FHOD3: variants seen among roughly 807,000 people sequenced by gnomAD.
FHOD3 encodes formin homology 2 domain containing 3.
Under a neutral mutation model 173.0 loss-of-function variants are expected in FHOD3, and 90 were observed. The ratio of observed to expected loss-of-function variants is 0.52; its 90% confidence interval spans 0.44 to 0.62. FHOD3 has a LOEUF of 0.62. Ranked by LOEUF, FHOD3 falls within the 20% of genes least tolerant of loss-of-function variation. The probability of loss-of-function intolerance (pLI) is 0.00; values close to 1 mark genes in which losing one functional copy is unlikely to be tolerated. For missense variants in FHOD3, 1,945 were observed against 2,034.7 expected (o/e 0.96, Z 0.85); for synonymous variants, 828 against 823.0 (o/e 1.01, Z -0.10).
At chr18:36,595,442 G>A (rs1290269486) in intron 7 of FHOD3, among the ~76,000 whole-genome samples, 1 of 152,068 alleles carries the variant, frequency 6.6e-6, no homozygotes, top group African/African-American at 2.4e-5. Context: ...CCTGGCTAAG[G>A]GGACCCTTCA....
At chr18:36,669,023 C>G (rs2037364863) in intron 14 of FHOD3, among the ~76,000 whole-genome samples, 1 of 151,894 alleles carries the variant, frequency 6.6e-6, no homozygotes, top group African/African-American at 2.4e-5. Flanking sequence ...ATTCCGTATC[C>G]TTAGTGCTTG....
At chr18:36,632,193 G>A (rs1028538294) in intron 10 of FHOD3, among the ~76,000 whole-genome samples, 1 of 152,200 alleles carries the variant, frequency 6.6e-6, no homozygotes, top group Non-Finnish European at 1.5e-5. Flanking sequence ...GTCAGCATAT[G>A]ACTCACCATT....
At chr18:36,730,133 G>A (rs1296636630) in intron 19 of FHOD3, among the ~76,000 whole-genome samples, 1 of 152,202 alleles carries the variant, frequency 6.6e-6, no homozygotes, top group Non-Finnish European at 1.5e-5. Flanking sequence ...ATGTTTGAAT[G>A]GCAAGGTGAG....
chr18:36,500,784 T>C (rs1298942598), intron 3 of FHOD3, among the ~76,000 whole-genome samples: 1 of 152,218 alleles, frequency 6.6e-6, no homozygotes, highest in Non-Finnish European at 1.5e-5. Context: ...GGTATCCTAG[T>C]GCCTCGAACT....
chr18:36,770,825 G>A (rs1005440561), intron 28 of FHOD3, among the ~76,000 whole-genome samples: 1 of 152,166 alleles, frequency 6.6e-6, no homozygotes, highest in East Asian at 1.9e-4. Context: ...CCTCAGGGGT[G>A]AGGCCTTGAG....
At position 36,452,131 on chromosome 18, in the gene FHOD3, G is replaced by A. The variant is rs552003316; in HGVS notation, c.338-49801G>A. On this transcript the variant is annotated intron_variant, in intron 3 of 28. Transcript: ENST00000590592. ...GCAGCTCATTGTCATCACGAGTTAC[G>A]AGAATTATGAGGGTGCGTCTTGGCA... 2.0e-3 allele frequency among the ~76,000 whole-genome samples: 309 copies of A among 152,268 alleles called. 3 individuals carry two copies. Among genetic ancestry groups the A allele is most frequent in the African/African-American group, 6.7e-3 (280 of 41,544 alleles).
At chr18:36,721,429 T>C (rs2040783244) in intron 19 of FHOD3, among the ~76,000 whole-genome samples, 1 of 152,154 alleles carries the variant, frequency 6.6e-6, no homozygotes, top group Non-Finnish European at 1.5e-5. Flanking sequence ...TGGCTTGAGC[T>C]CAGGAGTTTG....
At chr18:36,765,984 A>C (rs567531102) in intron 27 of FHOD3, among the ~76,000 whole-genome samples, 326 of 152,246 alleles carry the variant, frequency 2.1e-3, no homozygotes, top group Non-Finnish European at 4.1e-3. Context: ...GAAACTTAGG[A>C]AATCCAAGAA....
chr18:36,599,960 T>TGGGGTG (rs1232455669), intron 7 of FHOD3, among the ~76,000 whole-genome samples: 10 of 45,714 alleles, frequency 2.2e-4, no homozygotes, highest in Middle Eastern at 0.015. Flanking sequence ...CTCCAGTGTT[T>TGGGGTG]GGGGTGGGGG....
At position 36,325,207 on chromosome 18, in the gene FHOD3, G is replaced by T. The variant is rs1383147059; in HGVS notation, c.165+27207G>T. Among the ~76,000 whole-genome samples, 4 of 152,166 alleles carry T rather than the reference G, an allele frequency of 2.6e-5. No individual in the cohort carries two copies. In the East Asian group the frequency reaches 7.7e-4, roughly 29 times the overall value. The stretch of plus-strand genomic sequence containing the variant: ...CTGGCAGGGAGTGGTGGGGGTCTCT[G>T]GGTGCTAGTAGTGCAAGCAGAATAT... On this transcript the variant is annotated intron_variant, in intron 1 of 28. Coordinates refer to ENST00000590592, the MANE Select transcript of FHOD3 (RefSeq NM_001281740.3).
chr18:36,576,678 C>A, intron 6 of FHOD3, 133 bp downstream of exon 6: 1 of 556,442 alleles, frequency 1.8e-6, no homozygotes, highest in Non-Finnish European at 3.1e-6. Flanking sequence ...ATGAGGATTA[C>A]TACTCTACAA....
chr18:36,619,133 C>T (rs2033489639), intron 9 of FHOD3, among the ~76,000 whole-genome samples: 1 of 152,116 alleles, frequency 6.6e-6, no homozygotes, highest in Non-Finnish European at 1.5e-5. Context: ...TACTTGGAGA[C>T]CACTATATGT....
chr18:36,380,332 T>C (rs1021959256), intron 3 of FHOD3, among the ~76,000 whole-genome samples: 1 of 152,184 alleles, frequency 6.6e-6, no homozygotes, highest in Non-Finnish European at 1.5e-5. Context: ...AACTGGATTA[T>C]GGGCATGTGG....
At chr18:36,314,246 C>T (rs148389427) in intron 1 of FHOD3, among the ~76,000 whole-genome samples, 20 of 152,332 alleles carry the variant, frequency 1.3e-4, no homozygotes, top group Non-Finnish European at 2.5e-4. Flanking sequence ...TGGGCTCTGA[C>T]GTCACCCTGG....
intron 5 of FHOD3, among the ~76,000 whole-genome samples, chr18:36,531,863 TG>T (rs1315245617): frequency 6.6e-6 from 1 of 152,268 alleles, no homozygotes; most frequent in East Asian, 1.9e-4. Flanking sequence ...GGCTCCTGCC[TG>T]GGCTATTCCT....
intron 1 of FHOD3, among the ~76,000 whole-genome samples, chr18:36,334,304 C>A (rs2045186371): frequency 6.6e-6 from 1 of 152,038 alleles, no homozygotes; most frequent in African/African-American, 2.4e-5. Flanking sequence ...GCAAAGGCAC[C>A]CAAGTTAAGG....
intron 1 of FHOD3, among the ~76,000 whole-genome samples, chr18:36,322,940 G>A (rs2044476961): frequency 6.6e-6 from 1 of 152,202 alleles, no homozygotes; most frequent in Admixed American, 6.5e-5. Flanking sequence ...CCAACCCTCA[G>A]GCTGGAGGGT....
intron 3 of FHOD3, among the ~76,000 whole-genome samples, chr18:36,422,739 T>A (rs1326940510): frequency 6.6e-6 from 1 of 152,206 alleles, no homozygotes; most frequent in Non-Finnish European, 1.5e-5. Context: ...AGGATTTGAT[T>A]TATTTTTGAA....
At chr18:36,472,158 A>G (rs1012284334) in intron 3 of FHOD3, among the ~76,000 whole-genome samples, 3 of 152,218 alleles carry the variant, frequency 2.0e-5, no homozygotes, top group Admixed American at 6.5e-5. Flanking sequence ...CTTGGCCTAC[A>G]TGATTTCTAT....
Sources: gnomAD v4.1 joint callset for allele counts (sites outside exome capture counted in the v4.1 genomes callset) on GRCh38, gnomAD v4.1.1 for gene constraint, MANE v1.5 for transcripts, NCBI Gene and HGNC (gene_info 2026-07-23, HGNC 2026-07-21) for gene names.